Variants in RAB38 observed in about 807,000 individuals in gnomAD.
RAB38 encodes ras-related protein Rab-38.
RAB38 carries 15 observed loss-of-function variants against 18.4 expected under a neutral mutation model. The observed-to-expected ratio is 0.82, with a 90% CI of 0.55 to 1.26. RAB38 has a LOEUF of 1.26. RAB38 is among the 50% of genes most tolerant of loss of function. RAB38 has a pLI of 0.00. For missense variants in RAB38, 294 were observed against 267.4 expected, an observed-to-expected ratio of 1.10 and a Z score of -0.69; for synonymous variants, 101 against 104.4, an observed-to-expected ratio of 0.97 and a Z score of 0.20.
At chr11:88,082,318 A>C in the RAB38 span, among the ~76,000 whole-genome samples, 1 of 151,958 alleles carries the variant, frequency 6.6e-6, no homozygotes, top group South Asian at 2.1e-4. Flanking sequence ...AATATATTAG[A>C]AAGAAAAAAA....
the RAB38 span, among the ~76,000 whole-genome samples, chr11:87,940,106 T>G: frequency 6.7e-6 from 1 of 149,358 alleles, no homozygotes; most frequent in Non-Finnish European, 1.5e-5. Flanking sequence ...AAATCTCTAG[T>G]CATACTAATA....
At chr11:87,850,582 T>A in the RAB38 span, among the ~76,000 whole-genome samples, 1 of 152,232 alleles carries the variant, frequency 6.6e-6, no homozygotes, top group Non-Finnish European at 1.5e-5. Flanking sequence ...ATTCAGTTTT[T>A]TAGTCTTTAT....
chr11:88,063,198 G>T, the RAB38 span, among the ~76,000 whole-genome samples: 6 of 152,034 alleles, frequency 3.9e-5, no homozygotes, highest in African/African-American at 1.4e-4. Context: ...ATGATTAAAA[G>T]AAAATAGAAT....
the RAB38 span, among the ~76,000 whole-genome samples, chr11:87,940,125 AT>A: frequency 5.9e-5 from 9 of 151,486 alleles, no homozygotes; most frequent in East Asian, 1.8e-3. Flanking sequence ...TAAGAAAAAA[AT>A]GTAACAGGAA....
At chr11:88,164,594 C>T (rs1226900921) in intron 1 of RAB38, among the ~76,000 whole-genome samples, 1 of 150,186 alleles carries the variant, frequency 6.7e-6, no homozygotes, top group Admixed American at 6.7e-5. Flanking sequence ...TGGTGATTAA[C>T]AATGAAACAA....
the RAB38 span, among the ~76,000 whole-genome samples, chr11:87,954,588 T>C: frequency 7.2e-5 from 11 of 151,952 alleles, no homozygotes; most frequent in South Asian, 4.2e-4. Context: ...TGAACAATTT[T>C]TCCTCAGTTT....
chr11:88,035,712 G>A, the RAB38 span, among the ~76,000 whole-genome samples: 1 of 152,178 alleles, frequency 6.6e-6, no homozygotes, highest in Non-Finnish European at 1.5e-5. Context: ...CTCAAATTTG[G>A]TTGACTAAGC....
the RAB38 span, among the ~76,000 whole-genome samples, chr11:88,076,924 A>G: frequency 1.7e-4 from 25 of 143,660 alleles, no homozygotes; most frequent in African/African-American, 6.1e-4. Context: ...GTACCACTGC[A>G]CTCCAGCCTG....
At chr11:88,111,030 T>C (rs1942467152), downstream of RAB38, among the ~76,000 whole-genome samples, 1 of 152,008 alleles carries the variant, frequency 6.6e-6, no homozygotes, top group South Asian at 2.1e-4. Flanking sequence ...AACAGGAAGG[T>C]TGGTGAGATA....
the RAB38 span, among the ~76,000 whole-genome samples, chr11:88,085,401 AC>A: frequency 2.0e-5 from 3 of 151,924 alleles, no homozygotes; most frequent in African/African-American, 7.2e-5. Context: ...AAGCCAAGTA[AC>A]TTTTACAAAG....
chr11:87,936,232 A>AT, the RAB38 span, among the ~76,000 whole-genome samples: 3 of 151,774 alleles, frequency 2.0e-5, no homozygotes, highest in Non-Finnish European at 2.9e-5. Flanking sequence ...GACTTACAAG[A>AT]TTTTTTCTTA....
At chr11:87,806,092 A>G in the RAB38 span, among the ~76,000 whole-genome samples, 8 of 152,342 alleles carry the variant, frequency 5.3e-5, no homozygotes, top group Admixed American at 4.6e-4. Context: ...CCATCAGAGC[A>G]AGTAAACAGA....
chr11:87,933,997 AGTCTGGGGTTTCTACCAT>A, the RAB38 span, among the ~76,000 whole-genome samples: 2 of 152,026 alleles, frequency 1.3e-5, no homozygotes, highest in African/African-American at 4.8e-5. Flanking sequence ...GTCCTTTCTT[AGTCTGGGGTTTCTACCAT>A]GTCTGGGTAG....
chr11:87,967,028 C>T, the RAB38 span, among the ~76,000 whole-genome samples: 1 of 152,214 alleles, frequency 6.6e-6, no homozygotes, highest in Non-Finnish European at 1.5e-5. Context: ...TGGATAATCC[C>T]TCTGGCTGAG....
At chr11:87,919,660 A>G in the RAB38 span, among the ~76,000 whole-genome samples, 1 of 151,930 alleles carries the variant, frequency 6.6e-6, no homozygotes, top group Non-Finnish European at 1.5e-5. Context: ...TTTTTCAGAA[A>G]AGTTTGAGAA....
chr11:87,834,242 C>G, the RAB38 span, among the ~76,000 whole-genome samples: 1 of 152,170 alleles, frequency 6.6e-6, no homozygotes, highest in African/African-American at 2.4e-5. Flanking sequence ...CCTACAACCA[C>G]AAGGAACTGA....
At chr11:88,146,721 T>C (rs1284702943) in intron 2 of RAB38, among the ~76,000 whole-genome samples, 3 of 152,328 alleles carry the variant, frequency 2.0e-5, no homozygotes, top group African/African-American at 7.2e-5. Context: ...AATACTAACC[T>C]GGCACAGGCA....
At chr11:87,901,433 C>T in the RAB38 span, among the ~76,000 whole-genome samples, 2 of 151,568 alleles carry the variant, frequency 1.3e-5, no homozygotes, top group Non-Finnish European at 3.0e-5. Flanking sequence ...CTCAACATTC[C>T]ATAAAGTAAG....
At chr11:87,945,733 C>T in the RAB38 span, among the ~76,000 whole-genome samples, 1 of 152,144 alleles carries the variant, frequency 6.6e-6, no homozygotes, top group Non-Finnish European at 1.5e-5. Context: ...AAGAAACAGT[C>T]ATTCACCTAA....
Sources: gnomAD v4.1 joint callset for allele counts (sites outside exome capture counted in the v4.1 genomes callset) on GRCh38, gnomAD v4.1.1 for gene constraint, MANE v1.5 for transcripts, NCBI Gene and HGNC (gene_info 2026-07-23, HGNC 2026-07-21) for gene names.